Variants in DSCAM observed in about 807,000 individuals in gnomAD.
DSCAM encodes cell adhesion molecule DSCAM.
A neutral mutation model predicts 217.7 loss-of-function variants in DSCAM; 47 were observed. The observed-to-expected ratio is 0.22, with a 90% CI of 0.17 to 0.28. The LOEUF (loss-of-function observed/expected upper bound fraction) is 0.28. DSCAM is among the 10% of genes least tolerant of loss of function. The pLI is 1.00. For synonymous variants in DSCAM, 1,056 were observed against 1,015.3 expected (o/e 1.04, Z -0.76); for missense variants, 2,080 against 2,618.3 (o/e 0.79, Z 4.49).
rs186241413 is a variant in DSCAM at position 40,655,879 on chromosome 21, C to T, written c.508+36931G>A. ...GGCCAGCGTGGCAGCATAGCAAGAT[C>T]CCATCTCTACGAAAAATACAAAAAT... is the stretch of plus-strand genomic sequence containing the variant. On this transcript the variant is annotated intron_variant, in intron 3 of 32. Transcript: ENST00000400454. 3.9e-3 allele frequency among the ~76,000 whole-genome samples: 586 copies of T among 152,152 alleles called. 4 individuals are homozygous for T. Among genetic ancestry groups the T allele is most frequent in the Non-Finnish European group, 6.2e-3 (420 of 67,994 alleles).
chr21:40,179,928 G>C (rs2090781050), intron 14 of DSCAM, among the ~76,000 whole-genome samples: 1 of 152,186 alleles, frequency 6.6e-6, no homozygotes, highest in African/African-American at 2.4e-5. Flanking sequence ...GATGAAAAAA[G>C]GAGGGCCCAA....
chr21:40,811,781 C>G (rs2091841810), intron 1 of DSCAM, among the ~76,000 whole-genome samples: 1 of 152,176 alleles, frequency 6.6e-6, no homozygotes, highest in Admixed American at 6.5e-5. Flanking sequence ...TCCCACAGAA[C>G]CTCTCTGTGG....
chr21:40,574,092 T>A (rs146197916), intron 3 of DSCAM, among the ~76,000 whole-genome samples: 3 of 152,280 alleles, frequency 2.0e-5, no homozygotes, highest in African/African-American at 7.2e-5. Context: ...CACAATTTTT[T>A]TTTTAATAGA....
intron 11 of DSCAM, among the ~76,000 whole-genome samples, chr21:40,237,912 T>A (rs995562917): frequency 3.3e-5 from 5 of 152,232 alleles, no homozygotes; most frequent in Non-Finnish European, 4.4e-5. Context: ...CATCTCTCCA[T>A]CTCAAGATCT....
intron 3 of DSCAM, among the ~76,000 whole-genome samples, chr21:40,592,856 T>G (rs937077387): frequency 6.6e-6 from 1 of 152,208 alleles, no homozygotes; most frequent in African/African-American, 2.4e-5. Flanking sequence ...AATTCTAACT[T>G]ATTGCTGTCC....
chr21:40,176,620 A>G (rs2090735121), intron 15 of DSCAM, among the ~76,000 whole-genome samples: 1 of 151,716 alleles, frequency 6.6e-6, no homozygotes, highest in Admixed American at 6.5e-5. Context: ...AAACCTATGA[A>G]CCAAGACAAA....
At chr21:40,104,489 T>C (rs2089793634) in intron 20 of DSCAM, among the ~76,000 whole-genome samples, 1 of 152,170 alleles carries the variant, frequency 6.6e-6, no homozygotes, top group African/African-American at 2.4e-5. Context: ...CTCCAAAAGC[T>C]AATTGATAAA....
chr21:40,077,169 A>T (rs1408676166), intron 26 of DSCAM, among the ~76,000 whole-genome samples: 2 of 152,150 alleles, frequency 1.3e-5, no homozygotes, highest in African/African-American at 4.8e-5. Flanking sequence ...GGGCCATAGG[A>T]CAGAGCCCGT....
At chr21:40,506,218 C>G (rs1330817632) in intron 3 of DSCAM, among the ~76,000 whole-genome samples, 3 of 152,118 alleles carry the variant, frequency 2.0e-5, no homozygotes, top group Non-Finnish European at 2.9e-5. Context: ...GATCTGAAGC[C>G]CATGCACGAG....
At chr21:40,636,777 T>C (rs536195711) in intron 3 of DSCAM, among the ~76,000 whole-genome samples, 70 of 144,928 alleles carry the variant, frequency 4.8e-4, no homozygotes, top group South Asian at 2.9e-3. Flanking sequence ...TTTTTTTTTT[T>C]CACAACATCT....
chr21:40,312,262 C>G lies in DSCAM; in HGVS notation c.1881G>C (p.Thr627=), dbSNP rs765038367. ...CVVVSGDLPI[T]ITWQKDGRPI... Reference sequence around the variant, plus strand: ...GCCGGCCATCCTTCTGCCAGGTGATCGTGATGGGTAAGTCCCCTGAGACCA... The same window carrying G: ...GCCGGCCATCCTTCTGCCAGGTGATGGTGATGGGTAAGTCCCCTGAGACCA... Residue 627 remains threonine, a synonymous_variant, in exon 9 of 33, where the codon ACG becomes ACC. Transcript: ENST00000400454. 6.2e-7 allele frequency: 1 copy of G among 1,613,954 alleles called. No individual in the cohort carries two copies. The highest frequency in any genetic ancestry group is 8.5e-7 in the Non-Finnish European group (1 of 1,180,022).
In DSCAM at chr21:40,321,283, C is replaced by T. The variant is rs532069875; in HGVS notation, c.1784-8924G>A. On this transcript the variant is annotated intron_variant, in intron 8 of 32. Coordinates refer to ENST00000400454, the MANE Select transcript of DSCAM (RefSeq NM_001389.5). ...CAAAAACTCCTTCTCAAGATTCATG[C>T]CTGCTTGTTCAGTAGTATGTCAATA... Among the ~76,000 whole-genome samples the T allele has an allele frequency of 1.2e-3, 187 of 152,256 alleles. 2 individuals carry two copies. Among genetic ancestry groups the T allele is most frequent in the African/African-American group, 4.1e-3 (172 of 41,548 alleles).
intron 23 of DSCAM, 73 bp downstream of exon 23, chr21:40,085,529 G>T: frequency 2.3e-6 from 3 of 1,294,430 alleles, no homozygotes; most frequent in Non-Finnish European, 3.0e-6. Context: ...TTTAAAATTT[G>T]TTCAGTGCTA....
At chr21:40,618,705 T>A (rs1208302959) in intron 3 of DSCAM, 2 of 150,816 alleles carry the variant, frequency 1.3e-5, no homozygotes, top group East Asian at 3.9e-4. Flanking sequence ...TCTCCAAGCT[T>A]CCAGACTGTG....
intron 15 of DSCAM, 34 bp downstream of exon 15, chr21:40,178,893 C>T (rs772055949): frequency 2.5e-6 from 4 of 1,611,956 alleles, no homozygotes; most frequent in Non-Finnish European, 3.4e-6. Context: ...CTCCCGGGCT[C>T]CTCTGGAGCA....
At chr21:40,323,362 A>T (rs1601550981) in intron 8 of DSCAM, among the ~76,000 whole-genome samples, 1 of 152,030 alleles carries the variant, frequency 6.6e-6, no homozygotes, top group South Asian at 2.1e-4. Flanking sequence ...TGTGTGACAC[A>T]CTCTCCATAT....
In DSCAM at chr21:40,524,935, G is replaced by C. The variant is rs1359186645; in HGVS notation, c.509-155690C>G. Among the ~76,000 whole-genome samples, 3 of 149,928 alleles carry C rather than the reference G, an allele frequency of 2.0e-5. No individual in the cohort carries two copies. The East Asian group carries it at 6.0e-4, about 30-fold the overall frequency. On this transcript the variant is annotated intron_variant, in intron 3 of 32. Coordinates refer to ENST00000400454, the MANE Select transcript of DSCAM (RefSeq NM_001389.5). ...TGAGGCAGGAGAATTGCTTGAACCC[G>C]GGAGGTGGAGGTTGCAGTGAGCCAA...
chr21:40,401,738 C>A (rs1269893106), intron 3 of DSCAM, among the ~76,000 whole-genome samples: 1 of 150,534 alleles, frequency 6.6e-6, no homozygotes, highest in Admixed American at 6.6e-5. Context: ...GGTATTCTTA[C>A]AGCCATGTTC....
At chr21:40,733,931 C>T (rs1383712436) in intron 1 of DSCAM, among the ~76,000 whole-genome samples, 1 of 152,176 alleles carries the variant, frequency 6.6e-6, no homozygotes, top group Non-Finnish European at 1.5e-5. Context: ...TGATCTCCAC[C>T]TGACCCCTCT....
Sources: allele counts gnomAD v4.1 joint callset (sites outside exome capture counted in the v4.1 genomes callset), GRCh38; gene constraint gnomAD v4.1.1; transcripts MANE v1.5; gene names NCBI Gene and HGNC (gene_info 2026-07-23, HGNC 2026-07-21).